SRD5A3: variants seen among roughly 807,000 people sequenced by gnomAD.
SRD5A3 encodes polyprenal reductase.
Under a neutral mutation model 34.3 loss-of-function variants are expected in SRD5A3, and 24 were observed. The ratio of observed to expected loss-of-function variants is 0.70; its 90% CI spans 0.51 to 0.99. The LOEUF (loss-of-function observed/expected upper bound fraction) is 0.99, where lower values mean the gene tolerates loss of function less well. Ranked by LOEUF, SRD5A3 falls within the 50% of genes least tolerant of loss-of-function variation. The pLI is 0.00. For synonymous variants in SRD5A3, 161 were observed against 167.3 expected (o/e 0.96, Z 0.29); for missense variants, 350 against 388.2 (o/e 0.90, Z 0.83).
At chr4:55,356,846 G>A (rs546117945) in intron 1 of SRD5A3, among the ~76,000 whole-genome samples, 10 of 152,122 alleles carry the variant, frequency 6.6e-5, no homozygotes, top group East Asian at 5.8e-4. Context: ...ACTACCTCAC[G>A]TCACTCATCT....
intron 1 of SRD5A3, among the ~76,000 whole-genome samples, chr4:55,347,598 A>C (rs980057727): frequency 4.6e-5 from 7 of 152,218 alleles, no homozygotes; most frequent in Admixed American, 3.9e-4. Flanking sequence ...ACTGCACTCT[A>C]GCCTGGGCAA....
intron 2 of SRD5A3, among the ~76,000 whole-genome samples, chr4:55,360,107 C>G (rs1056058927): frequency 2.0e-5 from 3 of 151,640 alleles, no homozygotes; most frequent in Non-Finnish European, 4.4e-5. Context: ...CCCAGCTACT[C>G]GGGAGGCTGA....
chr4:55,359,637 C>T (rs1323507406), intron 2 of SRD5A3, 149 bp downstream of exon 2: 1 of 1,062,934 alleles, frequency 9.4e-7, no homozygotes, highest in Non-Finnish European at 1.3e-6. Context: ...AAGAGCTTTG[C>T]ACGGTTCATT....
intron 3 of SRD5A3, among the ~76,000 whole-genome samples, chr4:55,365,379 G>C (rs1049382649): frequency 6.6e-6 from 1 of 152,166 alleles, no homozygotes. Flanking sequence ...ATTTATTGAC[G>C]ATCTTTCTCA....
chr4:55,358,476 C>T (rs572675960), intron 1 of SRD5A3, among the ~76,000 whole-genome samples: 1 of 140,394 alleles, frequency 7.1e-6, no homozygotes, highest in East Asian at 2.1e-4. Flanking sequence ...GTCAATGTTG[C>T]AGTGAGTGGT....
intron 1 of SRD5A3, among the ~76,000 whole-genome samples, chr4:55,350,428 A>G (rs73236133): frequency 0.045 from 6,809 of 152,258 alleles, 237 homozygotes; most frequent in Non-Finnish European, 0.073. Flanking sequence ...TAGTTGCATT[A>G]CTTGTATGTC....
At position 55,370,278 on chromosome 4, in the gene SRD5A3, T is replaced by G; in HGVS notation, c.*187T>G. 1.3e-6 allele frequency: 1 copy of G among 749,914 alleles called. No homozygotes were observed. Among genetic ancestry groups the G allele is most frequent in the Non-Finnish European group, 2.2e-6 (1 of 464,642 alleles). 46.5% of individuals were successfully genotyped at this position (749,914 alleles called of 1,614,324 possible). A position where few individuals can be genotyped will look rare whatever the true frequency, so the allele number is the denominator to read the frequency against. On this transcript the variant is annotated 3_prime_UTR_variant, in exon 5 of 5. Coordinates refer to ENST00000264228, the MANE Select transcript of SRD5A3 (RefSeq NM_024592.5). ...CAAGAAAATGAATCTCCAAAGTATCTTCAAAGAATAAATACTAATGGCAGA... is the reference window on the plus strand; with the variant it reads ...CAAGAAAATGAATCTCCAAAGTATCGTCAAAGAATAAATACTAATGGCAGA...
chr4:55,351,473 G>C (rs1164256424), intron 1 of SRD5A3, among the ~76,000 whole-genome samples: 3 of 151,986 alleles, frequency 2.0e-5, no homozygotes, highest in Non-Finnish European at 2.9e-5. Flanking sequence ...AGCACCGTGG[G>C]AGGCTGAGGC....
chr4:55,357,214 C>T (rs1045594232), intron 1 of SRD5A3, among the ~76,000 whole-genome samples: 1 of 152,222 alleles, frequency 6.6e-6, no homozygotes, highest in African/African-American at 2.4e-5. Context: ...TCTGACTCCC[C>T]ACTCTAAGGT....
intron 4 of SRD5A3, among the ~76,000 whole-genome samples, chr4:55,369,412 A>G (rs1353610810): frequency 6.6e-6 from 1 of 152,176 alleles, no homozygotes; most frequent in African/African-American, 2.4e-5. Flanking sequence ...TGGTTTACAC[A>G]CATGTATGAT....
At chr4:55,360,176 C>G (rs1307375513) in intron 2 of SRD5A3, among the ~76,000 whole-genome samples, 1 of 148,408 alleles carries the variant, frequency 6.7e-6, no homozygotes, top group Admixed American at 6.9e-5. Context: ...GATCGGGCCA[C>G]TGCACTCCAG....
chr4:55,355,721 G>GC (rs1364914777), intron 1 of SRD5A3, among the ~76,000 whole-genome samples: 139 of 152,294 alleles, frequency 9.1e-4, no homozygotes, highest in African/African-American at 3.2e-3. Flanking sequence ...ACAATAGTAT[G>GC]ATTTTAACTT....
intron 4 of SRD5A3, 165 bp from the exon 5 acceptor site, chr4:55,369,667 A>G: frequency 1.3e-6 from 1 of 743,914 alleles, no homozygotes; most frequent in Non-Finnish European, 2.2e-6. Flanking sequence ...GAAGGTTGAG[A>G]CTACAGTGAG....
chr4:55,354,870 G>C (rs1161277306), intron 1 of SRD5A3, among the ~76,000 whole-genome samples: 2 of 152,268 alleles, frequency 1.3e-5, no homozygotes. Flanking sequence ...GGCAGGAATT[G>C]TCTGTTGTGT....
At chr4:55,352,813 A>G (rs1211216338) in intron 1 of SRD5A3, among the ~76,000 whole-genome samples, 4 of 152,342 alleles carry the variant, frequency 2.6e-5, no homozygotes, top group East Asian at 1.9e-4. Flanking sequence ...TAACATGTCA[A>G]TAAATATTGT....
At chr4:55,356,350 C>T (rs1454126804) in intron 1 of SRD5A3, among the ~76,000 whole-genome samples, 5 of 152,168 alleles carry the variant, frequency 3.3e-5, no homozygotes, top group Non-Finnish European at 7.3e-5. Flanking sequence ...TGGTAAAATA[C>T]ACGTAACTTA....
intron 4 of SRD5A3, 174 bp from the exon 5 acceptor site, chr4:55,369,658 A>C: frequency 1.5e-6 from 1 of 688,196 alleles, no homozygotes; most frequent in Non-Finnish European, 2.4e-6. Flanking sequence ...CTGGGCCTGG[A>C]AGGTTGAGAC....
At chr4:55,353,746 G>T (rs57008349) in intron 1 of SRD5A3, among the ~76,000 whole-genome samples, 3,227 of 152,152 alleles carry the variant, frequency 0.021, 120 homozygotes, top group African/African-American at 0.074. Flanking sequence ...AACACTCACT[G>T]CCGAGGTCTG....
chr4:55,367,510 C>T (rs922710347), intron 3 of SRD5A3, 78 bp from the exon 4 acceptor site: 3 of 1,539,346 alleles, frequency 1.9e-6, no homozygotes, highest in African/African-American at 2.7e-5. Flanking sequence ...AATTGTGTTT[C>T]TGCTGACTAA....
Sources: gnomAD v4.1 joint callset for allele counts (sites outside exome capture counted in the v4.1 genomes callset) on GRCh38, gnomAD v4.1.1 for gene constraint, MANE v1.5 for transcripts, NCBI Gene and HGNC (gene_info 2026-07-23, HGNC 2026-07-21) for gene names.